The following ANTXR1 variants were observed in gnomAD, a reference collection of about 807,000 sequenced individuals.
ANTXR1 encodes anthrax toxin receptor 1.
Under a neutral mutation model 78.1 loss-of-function variants are expected in ANTXR1, and 19 were observed. The ratio of observed to expected loss-of-function variants is 0.24; its 90% CI spans 0.17 to 0.36. ANTXR1 has a LOEUF of 0.36. Among genes scored for constraint, ANTXR1 ranks in the 10% least tolerant of loss-of-function variants. The pLI, the probability that ANTXR1 is intolerant of heterozygous loss-of-function variation, is 1.00. For synonymous variants in ANTXR1, 273 were observed against 260.5 expected (o/e 1.05, Z -0.46); for missense variants, 518 against 718.6 (o/e 0.72, Z 3.19).
At chr2:69,218,962 A>G (rs1451342915) in intron 17 of ANTXR1, among the ~76,000 whole-genome samples, 1 of 152,238 alleles carries the variant, frequency 6.6e-6, no homozygotes, top group Non-Finnish European at 1.5e-5. Context: ...AGGAGCCTTA[A>G]TAACTGCTCC....
At chr2:69,028,800 T>G (rs1671433481) in intron 1 of ANTXR1, among the ~76,000 whole-genome samples, 1 of 152,132 alleles carries the variant, frequency 6.6e-6, no homozygotes, top group Non-Finnish European at 1.5e-5. Context: ...TTTCTGAATA[T>G]TCAAATCCAT....
chr2:69,244,502 G>A (rs747998702), intron 17 of ANTXR1, among the ~76,000 whole-genome samples: 10 of 152,168 alleles, frequency 6.6e-5, no homozygotes, highest in Non-Finnish European at 1.0e-4. Flanking sequence ...CGTGGATGAG[G>A]AAGCTGTATT....
chr2:69,087,050 CT>C (rs1406086981), intron 8 of ANTXR1, among the ~76,000 whole-genome samples: 1 of 152,158 alleles, frequency 6.6e-6, no homozygotes, highest in Non-Finnish European at 1.5e-5. Flanking sequence ...CATACAGCCC[CT>C]TGAAGTTGGT....
chr2:69,172,719 G>T, intron 14 of ANTXR1, among the ~76,000 whole-genome samples: 1 of 152,134 alleles, frequency 6.6e-6, no homozygotes, highest in East Asian at 1.9e-4. Context: ...CTTTTTAATA[G>T]AAAATATAAA....
At chr2:69,033,285 G>C (rs1323437988) in intron 1 of ANTXR1, among the ~76,000 whole-genome samples, 1 of 152,190 alleles carries the variant, frequency 6.6e-6, no homozygotes, top group Admixed American at 6.5e-5. Context: ...GCAAGAGGGA[G>C]GTATGGCTGT....
At chr2:69,028,674 T>C (rs1172902419) in intron 1 of ANTXR1, among the ~76,000 whole-genome samples, 1 of 152,164 alleles carries the variant, frequency 6.6e-6, no homozygotes, top group Admixed American at 6.5e-5. Context: ...CAAATATATG[T>C]CTAAATAGTA....
intron 1 of ANTXR1, among the ~76,000 whole-genome samples, chr2:69,018,619 G>A (rs1671096391): frequency 6.6e-6 from 1 of 152,170 alleles, no homozygotes; most frequent in Non-Finnish European, 1.5e-5. Context: ...TAGGTAGGGC[G>A]AAGCATGACT....
chr2:69,166,689 A>G (rs1018245090), intron 13 of ANTXR1, among the ~76,000 whole-genome samples: 1 of 152,148 alleles, frequency 6.6e-6, no homozygotes, highest in Non-Finnish European at 1.5e-5. Flanking sequence ...CTTCAACCCT[A>G]TCCATCTTCT....
chr2:69,193,990 T>A (rs191137820), intron 17 of ANTXR1, among the ~76,000 whole-genome samples: 5 of 152,352 alleles, frequency 3.3e-5, no homozygotes, highest in Admixed American at 1.3e-4. Context: ...TTGGAATATC[T>A]CTAGTCAAGA....
At chr2:69,138,859 A>C (rs1384478568) in intron 12 of ANTXR1, among the ~76,000 whole-genome samples, 2 of 152,244 alleles carry the variant, frequency 1.3e-5, no homozygotes, top group Non-Finnish European at 2.9e-5. Flanking sequence ...AGGCTGAGGA[A>C]ATATGAAAGA....
intron 3 of ANTXR1, among the ~76,000 whole-genome samples, chr2:69,051,008 C>T (rs755028462): frequency 1.3e-5 from 2 of 151,862 alleles, no homozygotes; most frequent in Admixed American, 6.6e-5. Flanking sequence ...GATAATTGCC[C>T]GGTGTGGTGA....
chr2:69,104,919 A>G (rs1041046430), intron 10 of ANTXR1, among the ~76,000 whole-genome samples: 4 of 152,112 alleles, frequency 2.6e-5, no homozygotes, highest in Non-Finnish European at 5.9e-5. Flanking sequence ...CCTTGTCTCT[A>G]CCAAAAATAC....
intron 12 of ANTXR1, among the ~76,000 whole-genome samples, chr2:69,143,226 C>T (rs760838855): frequency 8.5e-5 from 13 of 152,176 alleles, no homozygotes; most frequent in South Asian, 4.2e-4. Flanking sequence ...AGAATGAGAT[C>T]CTAAGTCTGT....
Position 69,041,051 on chromosome 2 carries a change from A to G in ANTXR1, c.224+936A>G, listed in dbSNP as rs554751529. Among the ~76,000 whole-genome samples the G allele has an allele frequency of 8.5e-5, 13 of 152,298 alleles. No homozygotes were observed. The East Asian group carries it at 2.3e-3, about 27-fold the overall frequency. ...GCCTAATTGGAGGGAAAGGGTTAGG[A>G]GGTAGCTTGTCTGTTATGCCAAAAA... On this transcript the variant is annotated intron_variant, in intron 2 of 17. Coordinates refer to ENST00000303714, the MANE Select transcript of ANTXR1 (RefSeq NM_032208.3).
intron 12 of ANTXR1, among the ~76,000 whole-genome samples, chr2:69,135,803 C>T (rs1369705602): frequency 6.6e-6 from 1 of 151,836 alleles, no homozygotes; most frequent in Non-Finnish European, 1.5e-5. Flanking sequence ...ATACAATTCT[C>T]TCAGTAATTA....
chr2:69,080,057 C>T (rs1186039215), intron 8 of ANTXR1, among the ~76,000 whole-genome samples: 1 of 152,198 alleles, frequency 6.6e-6, no homozygotes, highest in Admixed American at 6.5e-5. Flanking sequence ...TAATTTGAGA[C>T]TTTAGTCTCC....
chr2:69,125,360 C>T (rs887466474), intron 12 of ANTXR1, among the ~76,000 whole-genome samples: 6 of 152,178 alleles, frequency 3.9e-5, no homozygotes, highest in Admixed American at 1.3e-4. Flanking sequence ...TGACCGCATT[C>T]GAGACTGACT....
rs150291609 is a variant in ANTXR1, at chr2:69,246,530, G to T, written c.*1045G>T. The T allele has an allele frequency of 6.6e-6, 1 of 152,256 alleles. No homozygotes were observed. Among genetic ancestry groups the T allele is most frequent in the Admixed American group, 6.5e-5 (1 of 15,290 alleles). The allele number at this position is 152,256 out of a possible 1,614,324, so 9.4% of individuals were successfully genotyped here. A position where few individuals can be genotyped will look rare whatever the true frequency, so the allele number is the denominator to read the frequency against. On this transcript the variant is annotated 3_prime_UTR_variant, in exon 18 of 18. Coordinates refer to ENST00000303714, the MANE Select transcript of ANTXR1 (RefSeq NM_032208.3). The stretch of plus-strand genomic sequence containing the variant: ...GCCATGCACCACAGACTTCTGGGCA[G>T]AGCTGAGAGACAATGGTCCTGACAT...
intron 17 of ANTXR1, among the ~76,000 whole-genome samples, chr2:69,237,811 T>C (rs1675805026): frequency 6.6e-6 from 1 of 152,228 alleles, no homozygotes; most frequent in African/African-American, 2.4e-5. Flanking sequence ...TCTATACATA[T>C]GTAGACATGC....
Sources: gnomAD v4.1 joint callset for allele counts (sites outside exome capture counted in the v4.1 genomes callset) on GRCh38, gnomAD v4.1.1 for gene constraint, MANE v1.5 for transcripts, NCBI Gene and HGNC (gene_info 2026-07-23, HGNC 2026-07-21) for gene names.